The following SAMD12 variants were observed in gnomAD, a reference collection of about 807,000 sequenced individuals.
The protein encoded by SAMD12 is sterile alpha motif domain-containing protein 12.
SAMD12 carries 9 observed loss-of-function variants against 15.0 expected under a neutral mutation model. That is an observed-to-expected ratio of 0.60 (90% CI 0.36 to 1.05). SAMD12 has a LOEUF of 1.05. Ranked by LOEUF, SAMD12 falls within the 50% of genes least tolerant of loss-of-function variation. The pLI is 0.01. For synonymous variants in SAMD12, 86 were observed against 90.1 expected (o/e 0.96, Z 0.25); for missense variants, 230 against 234.2 (o/e 0.98, Z 0.12).
intron 4 of SAMD12, among the ~76,000 whole-genome samples, chr8:118,205,160 G>C (rs187549853): frequency 6.6e-6 from 1 of 152,294 alleles, no homozygotes; most frequent in African/African-American, 2.4e-5. Flanking sequence ...TCCTGCCTTT[G>C]GACTCAAATT....
intron 3 of SAMD12, among the ~76,000 whole-genome samples, chr8:118,380,841 A>G (rs1410791295): frequency 6.6e-6 from 1 of 152,232 alleles, no homozygotes; most frequent in Admixed American, 6.5e-5. Flanking sequence ...TAAGTGCATC[A>G]GTCAGGATAA....
At chr8:118,345,416 C>T (rs965157470) in intron 4 of SAMD12, among the ~76,000 whole-genome samples, 8 of 152,028 alleles carry the variant, frequency 5.3e-5, no homozygotes, top group Admixed American at 2.6e-4. Context: ...AAGTGATACG[C>T]GCTAAGGTAT....
chr8:118,424,263 T>C (rs1213865489), intron 3 of SAMD12, among the ~76,000 whole-genome samples: 1 of 152,210 alleles, frequency 6.6e-6, no homozygotes, highest in East Asian at 1.9e-4. Flanking sequence ...GTAACACATA[T>C]ATGTTTATAA....
At chr8:118,185,649 G>A (rs1819230443), downstream of SAMD12, among the ~76,000 whole-genome samples, 1 of 152,182 alleles carries the variant, frequency 6.6e-6, no homozygotes, top group Admixed American at 6.5e-5. Flanking sequence ...GATTACAGGA[G>A]TCCATCTATT....
chr8:118,155,465 T>C, the SAMD12 span, among the ~76,000 whole-genome samples: 1 of 152,244 alleles, frequency 6.6e-6, no homozygotes, highest in Non-Finnish European at 1.5e-5. Flanking sequence ...GATCATATTG[T>C]ATCCAGTGTA....
chr8:118,322,425 G>A (rs1816331844), intron 4 of SAMD12, among the ~76,000 whole-genome samples: 1 of 152,188 alleles, frequency 6.6e-6, no homozygotes, highest in Non-Finnish European at 1.5e-5. Context: ...GGAGATCCCT[G>A]GCTACATGCC....
chr8:118,543,631 C>CT (rs397978436), intron 2 of SAMD12, among the ~76,000 whole-genome samples: 7,021 of 116,594 alleles, frequency 0.06, 306 homozygotes, highest in East Asian at 0.12. Flanking sequence ...TTCTTTCTTT[C>CT]TTTTTTTTTT....
At chr8:118,438,110 G>C (rs1563859987) in intron 3 of SAMD12, among the ~76,000 whole-genome samples, 1 of 152,170 alleles carries the variant, frequency 6.6e-6, no homozygotes, top group Non-Finnish European at 1.5e-5. Context: ...AAACTCTTAA[G>C]GGAGGAACTA....
At chr8:118,202,940 T>C (rs113194069) in intron 4 of SAMD12, among the ~76,000 whole-genome samples, 70 of 152,346 alleles carry the variant, frequency 4.6e-4, no homozygotes, top group African/African-American at 1.6e-3. Context: ...AAAGGTTTTA[T>C]AGGCAGTTAC....
At chr8:118,574,970 C>G (rs977787104) in intron 2 of SAMD12, among the ~76,000 whole-genome samples, 1 of 152,202 alleles carries the variant, frequency 6.6e-6, no homozygotes, top group African/African-American at 2.4e-5. Flanking sequence ...GTAATTTGAT[C>G]AAGGTTAAGT....
chr8:118,317,949 G>T (rs1397310906), intron 4 of SAMD12, among the ~76,000 whole-genome samples: 1 of 151,990 alleles, frequency 6.6e-6, no homozygotes, highest in Non-Finnish European at 1.5e-5. Context: ...TTTTAAAAAA[G>T]TTCGACATCA....
chr8:118,331,915 T>C (rs78258407), intron 4 of SAMD12, among the ~76,000 whole-genome samples: 1,967 of 152,282 alleles, frequency 0.013, 39 homozygotes, highest in African/African-American at 0.042. Flanking sequence ...CTATTCATAA[T>C]TGGGGAAACC....
chr8:118,163,831 C>T, the SAMD12 span, among the ~76,000 whole-genome samples: 1 of 151,856 alleles, frequency 6.6e-6, no homozygotes, highest in Non-Finnish European at 1.5e-5. Context: ...GCCGAGATCG[C>T]GCCACTGCCC....
At chr8:118,472,759 GAAGA>G in intron 2 of SAMD12, among the ~76,000 whole-genome samples, 1 of 140,930 alleles carries the variant, frequency 7.1e-6, no homozygotes. Context: ...TATCCTAATA[GAAGA>G]AAGTGGCTGG....
At chr8:118,275,507 T>C (rs1813451410) in intron 4 of SAMD12, among the ~76,000 whole-genome samples, 2 of 152,226 alleles carry the variant, frequency 1.3e-5, no homozygotes, top group South Asian at 4.1e-4. Context: ...TGGAATGGAA[T>C]ACTTGATAAA....
chr8:118,240,655 T>C (rs1446884321), intron 4 of SAMD12, among the ~76,000 whole-genome samples: 2 of 152,124 alleles, frequency 1.3e-5, no homozygotes, highest in Non-Finnish European at 2.9e-5. Flanking sequence ...AAGCTATAAT[T>C]ATTGTTATTA....
At chr8:118,198,346 T>C (rs1438196485) in intron 4 of SAMD12, among the ~76,000 whole-genome samples, 1 of 152,194 alleles carries the variant, frequency 6.6e-6, no homozygotes, top group East Asian at 1.9e-4. Context: ...AGTGCTAGTA[T>C]AAAAATATTA....
At chr8:118,603,172 A>T (rs538695570) in intron 1 of SAMD12, among the ~76,000 whole-genome samples, 2 of 152,316 alleles carry the variant, frequency 1.3e-5, no homozygotes, top group South Asian at 4.1e-4. Context: ...TCTCAAAAAT[A>T]AAAGCTGGAG....
At chr8:118,281,565 T>G (rs1162879119) in intron 4 of SAMD12, among the ~76,000 whole-genome samples, 1 of 152,224 alleles carries the variant, frequency 6.6e-6, no homozygotes, top group African/African-American at 2.4e-5. Flanking sequence ...AAAGTGACAA[T>G]CCCTAGACCA....
Sources: gnomAD v4.1 joint callset for allele counts (sites outside exome capture counted in the v4.1 genomes callset) on GRCh38, gnomAD v4.1.1 for gene constraint, MANE v1.5 for transcripts, NCBI Gene and HGNC (gene_info 2026-07-23, HGNC 2026-07-21) for gene names.